FGD4: variants seen among roughly 807,000 people sequenced by gnomAD.
FGD4 encodes FYVE, RhoGEF and PH domain containing 4.
In FGD4, 42 loss-of-function variants were observed where a neutral mutation model predicts 102.0. That is an observed-to-expected ratio of 0.41 (90% confidence interval 0.32 to 0.53). The LOEUF is 0.53. Among genes scored for constraint, FGD4 ranks in the 20% least tolerant of loss-of-function variants. The probability of loss-of-function intolerance (pLI) is 0.21; values close to 1 mark genes in which losing one functional copy is unlikely to be tolerated. For synonymous variants in FGD4, 380 were observed against 375.7 expected (o/e 1.01, Z -0.13); for missense variants, 902 against 1,078.2 (o/e 0.84, Z 2.29).
chr12:32,595,669 A>C (rs1278836168), intron 4 of FGD4, among the ~76,000 whole-genome samples: 4 of 152,208 alleles, frequency 2.6e-5, no homozygotes, highest in African/African-American at 9.6e-5. Context: ...TATATACACT[A>C]ACCCAATCTG....
chr12:32,486,283 C>T, intron 1 of FGD4: 4 of 876,120 alleles, frequency 4.6e-6, no homozygotes, highest in Non-Finnish European at 6.5e-6. Context: ...ATTTGTACCA[C>T]GATGGAAAAA....
intron 1 of FGD4, among the ~76,000 whole-genome samples, chr12:32,529,787 G>GAGC (rs1467721665): frequency 6.7e-6 from 1 of 149,356 alleles, no homozygotes; most frequent in Non-Finnish European, 1.5e-5. Context: ...AAGTTGCAGT[G>GAGC]AGCCAAAATT....
At chr12:32,481,282 TAAAAATTAGCTGGCCATAC>T (rs898858757) in intron 1 of FGD4, among the ~76,000 whole-genome samples, 2 of 151,000 alleles carry the variant, frequency 1.3e-5, no homozygotes, top group African/African-American at 2.4e-5. Flanking sequence ...AGTAAAAATA[TAAAAATTAGCTGGCCATAC>T]AAAAATTAGC....
intron 1 of FGD4, among the ~76,000 whole-genome samples, chr12:32,532,027 A>G (rs918356507): frequency 6.6e-6 from 1 of 152,234 alleles, no homozygotes; most frequent in Non-Finnish European, 1.5e-5. Flanking sequence ...TGAATACAGT[A>G]GTGTCCCTTT....
chr12:32,638,859 A>T (rs748420846), intron 16 of FGD4, 64 bp downstream of exon 16: 1 of 1,610,488 alleles, frequency 6.2e-7, no homozygotes, highest in South Asian at 1.1e-5. Context: ...GCGAGTGGAC[A>T]GCGGACTCAA....
intron 2 of FGD4, among the ~76,000 whole-genome samples, chr12:32,567,603 C>T (rs949190741): frequency 3.3e-5 from 5 of 151,770 alleles, no homozygotes; most frequent in Non-Finnish European, 5.9e-5. Context: ...AAAACTCTCA[C>T]CTAGATAAAA....
chr12:32,520,212 G>A (rs1415000010), intron 1 of FGD4, among the ~76,000 whole-genome samples: 1 of 151,302 alleles, frequency 6.6e-6, no homozygotes, highest in Non-Finnish European at 1.5e-5. Context: ...AGTAAACTGA[G>A]ATAGATTTAC....
At chr12:32,457,700 C>T (rs1271337809) in intron 1 of FGD4, among the ~76,000 whole-genome samples, 1 of 152,076 alleles carries the variant, frequency 6.6e-6, no homozygotes, top group Non-Finnish European at 1.5e-5. Flanking sequence ...TTACTGGACT[C>T]TTACTAAAAT....
Position 32,495,695 on chromosome 12 carries a change from CAAAA to C in FGD4, c.167-68428_167-68425del, listed in dbSNP as rs766436638. Among the ~76,000 whole-genome samples the C allele has an allele frequency of 3.3e-3, 254 of 76,082 alleles. 4 individuals carry two copies. The highest frequency in any genetic ancestry group is 5.4e-3 in the Non-Finnish European group (200 of 37,168). 49.9% of individuals were successfully genotyped at this position (76,082 alleles called of 152,430 possible). ...TGGGCCACAGAGAGAGACTCTGTTT[CAAAA>C]AAAAAAAAAAAAAGAAGCTTTTCAG... On this transcript the variant is annotated intron_variant, in intron 1 of 16. Transcript: ENST00000534526.
At chr12:32,501,628 T>TGCCCAAAA (rs1938225635) in intron 1 of FGD4, among the ~76,000 whole-genome samples, 1 of 152,248 alleles carries the variant, frequency 6.6e-6, no homozygotes, top group African/African-American at 2.4e-5. Flanking sequence ...ATTATTATTT[T>TGCCCAAAA]ATAACACAAT....
intron 1 of FGD4, among the ~76,000 whole-genome samples, chr12:32,480,137 GATAT>G (rs1417458003): frequency 6.6e-6 from 1 of 150,860 alleles, no homozygotes; most frequent in Non-Finnish European, 1.5e-5. Flanking sequence ...GCCCCAAATG[GATAT>G]GTTTGTTTGT....
intron 4 of FGD4, among the ~76,000 whole-genome samples, chr12:32,589,364 G>A (rs1947292974): frequency 2.0e-5 from 3 of 152,026 alleles, no homozygotes; most frequent in Admixed American, 2.0e-4. Context: ...TTTTAACTTA[G>A]GGTTCCTGTA....
At chr12:32,568,799 AAAG>A (rs1374650191) in intron 2 of FGD4, among the ~76,000 whole-genome samples, 4 of 152,228 alleles carry the variant, frequency 2.6e-5, no homozygotes, top group Non-Finnish European at 5.9e-5. Flanking sequence ...CTGTTTTCAA[AAAG>A]AAGAGTAATT....
Position 32,410,769 on chromosome 12 carries a change from G to A in FGD4, c.166+10810G>A, listed in dbSNP as rs192384914. 3.9e-3 allele frequency among the ~76,000 whole-genome samples: 595 copies of A among 152,188 alleles called. 2 individuals carry two copies. The highest frequency in any genetic ancestry group is 0.016 in the South Asian group (79 of 4,820). On this transcript the variant is annotated intron_variant, in intron 1 of 16. Coordinates refer to ENST00000534526, the MANE Select transcript of FGD4 (RefSeq NM_001370298.3). ...GGGAGCTACCACAGTTCTGGGAACC[G>A]CACTGAGCCTCAGTGCAACTTTGAA...
At chr12:32,492,132 A>G (rs1944117063) in intron 1 of FGD4, among the ~76,000 whole-genome samples, 1 of 152,222 alleles carries the variant, frequency 6.6e-6, no homozygotes, top group Non-Finnish European at 1.5e-5. Context: ...ATCAGCTGAG[A>G]GGTCTTCTTT....
At chr12:32,505,567 G>GT (rs1215600642) in intron 1 of FGD4, among the ~76,000 whole-genome samples, 2 of 152,214 alleles carry the variant, frequency 1.3e-5, no homozygotes, top group East Asian at 1.9e-4. Flanking sequence ...GTCTATGCAG[G>GT]TTGATGTAGA....
At chr12:32,524,503 TA>T (rs1229621833) in intron 1 of FGD4, among the ~76,000 whole-genome samples, 1 of 147,460 alleles carries the variant, frequency 6.8e-6, no homozygotes, top group Admixed American at 6.9e-5. Context: ...TGAACTCCTT[TA>T]AAGACAGCTA....
intron 16 of FGD4, among the ~76,000 whole-genome samples, chr12:32,639,505 T>C (rs141886189): frequency 3.5e-3 from 527 of 152,286 alleles, no homozygotes; most frequent in Non-Finnish European, 5.8e-3. Context: ...GCTCAATGGA[T>C]AGATATCTGA....
chr12:32,591,004 C>T (rs1178625414), intron 4 of FGD4, among the ~76,000 whole-genome samples: 3 of 152,102 alleles, frequency 2.0e-5, no homozygotes, highest in African/African-American at 7.2e-5. Flanking sequence ...CAGTTTGTGA[C>T]AAGACATATA....
Sources: gnomAD v4.1 joint callset for allele counts (sites outside exome capture counted in the v4.1 genomes callset) on GRCh38, gnomAD v4.1.1 for gene constraint, MANE v1.5 for transcripts, NCBI Gene and HGNC (gene_info 2026-07-23, HGNC 2026-07-21) for gene names.